Variants in RBFOX1 observed in about 807,000 individuals in gnomAD.
RBFOX1 encodes the protein RNA binding protein fox-1 homolog 1.
In RBFOX1, 8 loss-of-function variants were observed where a neutral mutation model predicts 57.7. That is an observed-to-expected ratio of 0.14 (90% CI 0.08 to 0.25). The LOEUF is 0.25. Among genes scored for constraint, RBFOX1 ranks in the 10% least tolerant of loss-of-function variants. RBFOX1 has a pLI of 1.00. For missense variants in RBFOX1, 611 were observed against 548.5 expected (o/e 1.11, Z -1.14); for synonymous variants, 326 against 222.4 (o/e 1.47, Z -4.15).
intron 4 of RBFOX1, among the ~76,000 whole-genome samples, chr16:7,087,809 G>C (rs1486832593): frequency 3.9e-5 from 6 of 152,134 alleles, no homozygotes; most frequent in Non-Finnish European, 7.3e-5. Flanking sequence ...GGAGACTTCT[G>C]TTTGCTGACA....
intron 1 of RBFOX1, among the ~76,000 whole-genome samples, chr16:6,031,078 A>G (rs1596516368): frequency 1.3e-5 from 2 of 152,330 alleles, no homozygotes; most frequent in East Asian, 1.9e-4. Flanking sequence ...TGGAGCATTC[A>G]TGTAATAAAA....
chr16:6,104,996 T>C (rs2096361385), intron 1 of RBFOX1, among the ~76,000 whole-genome samples: 2 of 152,232 alleles, frequency 1.3e-5, no homozygotes, highest in Admixed American at 1.3e-4. Context: ...GCTAATTCTC[T>C]TTAACATAAG....
intron 9 of RBFOX1, among the ~76,000 whole-genome samples, chr16:7,604,312 G>T (rs527882268): frequency 6.6e-6 from 1 of 152,128 alleles, no homozygotes; most frequent in Non-Finnish European, 1.5e-5. Context: ...GTTTAGAAGG[G>T]ATCAAGGATG....
chr16:7,494,855 A>G (rs1016222487), intron 4 of RBFOX1, among the ~76,000 whole-genome samples: 1 of 84,776 alleles, frequency 1.2e-5, no homozygotes, highest in Non-Finnish European at 2.5e-5. Context: ...TTTTTGCACT[A>G]TAAAATCTTC....
chr16:7,073,482 C>G (rs1228986333), intron 4 of RBFOX1, among the ~76,000 whole-genome samples: 1 of 152,014 alleles, frequency 6.6e-6, no homozygotes, highest in African/African-American at 2.4e-5. Flanking sequence ...TAATTCAGAC[C>G]CCCTACAATT....
In RBFOX1 at chr16:6,506,440, C is replaced by T. The variant is rs562980209; in HGVS notation, c.-63-148163C>T. ...TTGGAGAAACAAAAGGAGAGGGTTT[C>T]GTGGTCAAAGGCAGTGAGAAAGAAG... is the stretch of plus-strand genomic sequence containing the variant. On this transcript the variant is annotated intron_variant, in intron 2 of 15. Transcript: ENST00000550418. Among the ~76,000 whole-genome samples, 258 of 151,874 alleles carry T rather than the reference C, an allele frequency of 1.7e-3. 2 individuals are homozygous for T. Among genetic ancestry groups the T allele is most frequent in the Admixed American group, 0.012 (177 of 15,248 alleles).
intron 1 of RBFOX1, among the ~76,000 whole-genome samples, chr16:6,315,805 A>G (rs1599554423): frequency 6.6e-6 from 1 of 152,120 alleles, no homozygotes; most frequent in East Asian, 1.9e-4. Flanking sequence ...AATATTTTGA[A>G]GTCACTTGAT....
At chr16:6,544,147 C>T (rs776568764) in intron 2 of RBFOX1, among the ~76,000 whole-genome samples, 23 of 152,122 alleles carry the variant, frequency 1.5e-4, no homozygotes, top group East Asian at 3.9e-4. Flanking sequence ...TAGATTGAAC[C>T]GAGTAACTTC....
intron 4 of RBFOX1, among the ~76,000 whole-genome samples, chr16:6,010,804 A>G (rs967584344): frequency 6.6e-6 from 1 of 152,170 alleles, no homozygotes; most frequent in Non-Finnish European, 1.5e-5. Context: ...TTGCCCTCAT[A>G]TTATCTACTT....
chr16:7,318,493 G>C (rs2096485967), intron 4 of RBFOX1, among the ~76,000 whole-genome samples: 1 of 152,124 alleles, frequency 6.6e-6, no homozygotes, highest in Non-Finnish European at 1.5e-5. Flanking sequence ...TGCACCGTTG[G>C]GCAAATTATT....
chr16:6,158,076 G>A (rs575904190), intron 1 of RBFOX1, among the ~76,000 whole-genome samples: 257 of 152,238 alleles, frequency 1.7e-3, no homozygotes, highest in Non-Finnish European at 2.9e-3. Context: ...ACTAGGAGCG[G>A]GGAGATTCCC....
At chr16:6,724,721 CT>C (rs893239675) in intron 3 of RBFOX1, among the ~76,000 whole-genome samples, 12 of 150,670 alleles carry the variant, frequency 8.0e-5, no homozygotes, top group South Asian at 4.2e-4. Context: ...TATAGGGTAA[CT>C]TTTTTTTTTA....
rs551993479 is a variant in RBFOX1, at chr16:5,490,710, C to T, written c.258+23456C>T. On this transcript the variant is annotated intron_variant, in intron 2 of 2. Coordinates refer to the RBFOX1 transcript ENST00000585867. ...CAAGGAGGCCTGGCCAGGCGGATTC[C>T]CGTGGACCAGAGCAGCCGCGTGGGA... is the stretch of plus-strand genomic sequence containing the variant. 2.0e-5 allele frequency among the ~76,000 whole-genome samples: 3 copies of T among 152,296 alleles called. No individual in the cohort carries two copies. In the East Asian group the frequency reaches 5.8e-4, roughly 29 times the overall value.
intron 3 of RBFOX1, among the ~76,000 whole-genome samples, chr16:6,979,063 G>C (rs779661285): frequency 3.3e-5 from 5 of 152,138 alleles, no homozygotes; most frequent in Non-Finnish European, 7.4e-5. Flanking sequence ...AAGCTAGAGA[G>C]AATCTGTATA....
chr16:7,552,855 G>C (rs1211654055), intron 5 of RBFOX1, among the ~76,000 whole-genome samples: 1 of 151,972 alleles, frequency 6.6e-6, no homozygotes, highest in African/African-American at 2.4e-5. Context: ...GCTAATTTTT[G>C]TGTTTTTAGT....
chr16:5,518,429 G>A (rs1437820741), intron 2 of RBFOX1, among the ~76,000 whole-genome samples: 1 of 152,140 alleles, frequency 6.6e-6, no homozygotes, highest in Non-Finnish European at 1.5e-5. Context: ...ATCAGCTCAA[G>A]ACTATTCAGA....
intron 1 of RBFOX1, among the ~76,000 whole-genome samples, chr16:6,279,216 G>C (rs1189883836): frequency 6.6e-6 from 1 of 152,134 alleles, no homozygotes; most frequent in African/African-American, 2.4e-5. Flanking sequence ...ACATTATTAA[G>C]GGAATTATGT....
At chr16:5,413,630 G>A (rs541977963) in intron 1 of RBFOX1, among the ~76,000 whole-genome samples, 8 of 152,252 alleles carry the variant, frequency 5.3e-5, no homozygotes, top group South Asian at 2.1e-4. Context: ...TTATTCATTC[G>A]TTTAACTCTC....
chr16:7,255,923 A>AG (rs2094660383), intron 4 of RBFOX1, among the ~76,000 whole-genome samples: 1 of 152,192 alleles, frequency 6.6e-6, no homozygotes, highest in Non-Finnish European at 1.5e-5. Flanking sequence ...ACTAGTCTAG[A>AG]GGAAATATAA....
Sources: allele counts gnomAD v4.1 joint callset (sites outside exome capture counted in the v4.1 genomes callset), GRCh38; gene constraint gnomAD v4.1.1; transcripts MANE v1.5; gene names NCBI Gene and HGNC (gene_info 2026-07-23, HGNC 2026-07-21).